The following PPP3CA variants were observed in gnomAD, a reference collection of about 807,000 sequenced individuals.
PPP3CA encodes the protein CAM-PRP catalytic subunit.
In PPP3CA, 14 loss-of-function variants were observed where a neutral mutation model predicts 66.5. That is an observed-to-expected ratio of 0.21 (90% CI 0.14 to 0.33). The LOEUF is 0.33. PPP3CA is among the 10% of genes least tolerant of loss of function. PPP3CA has a pLI of 1.00. For synonymous variants in PPP3CA, 232 were observed against 226.2 expected, an observed-to-expected ratio of 1.03 and a Z score of -0.23; for missense variants, 317 against 639.5, an observed-to-expected ratio of 0.50 and a Z score of 5.44.
At chr4:101,173,095 C>T (rs190687594) in intron 2 of PPP3CA, among the ~76,000 whole-genome samples, 1 of 152,240 alleles carries the variant, frequency 6.6e-6, no homozygotes, top group East Asian at 1.9e-4. Context: ...AAAAGTAGAG[C>T]CATTGGGCCA....
chr4:101,276,929 A>G (rs899739365), intron 1 of PPP3CA, among the ~76,000 whole-genome samples: 1 of 151,876 alleles, frequency 6.6e-6, no homozygotes, highest in Non-Finnish European at 1.5e-5. Context: ...TGTGTTACAC[A>G]TTCTACGGAT....
At chr4:101,168,642 GA>G (rs1162439323) in intron 2 of PPP3CA, among the ~76,000 whole-genome samples, 3 of 152,142 alleles carry the variant, frequency 2.0e-5, no homozygotes, top group Admixed American at 6.6e-5. Context: ...ACCAAGGGAA[GA>G]AAGTATTGAA....
rs892797753 is a variant in PPP3CA, at chr4:101,346,923, G to A, written c.-127C>T. 23 of 1,106,568 alleles carry A rather than the reference G, an allele frequency of 2.1e-5. No individual in the cohort carries two copies. The African/African-American group carries it at 3.7e-4, about 18-fold the overall frequency. The allele number at this position is 1,106,568 out of a possible 1,614,324, so 68.5% of individuals were successfully genotyped here. On this transcript the variant is annotated 5_prime_UTR_variant, in exon 1 of 14. Coordinates refer to ENST00000394854, the MANE Select transcript of PPP3CA (RefSeq NM_000944.5). ...CCGCCGCGCTGCAAACCGCTCGGCT[G>A]GAGGTCTAGGCTCTGAGCTGGCTTT...
At chr4:101,343,763 C>A (rs974349240) in intron 1 of PPP3CA, among the ~76,000 whole-genome samples, 1 of 152,160 alleles carries the variant, frequency 6.6e-6, no homozygotes, top group African/African-American at 2.4e-5. Context: ...TGAATACATG[C>A]TAGCAGATTC....
intron 8 of PPP3CA, among the ~76,000 whole-genome samples, chr4:101,068,856 T>C (rs958044107): frequency 3.9e-5 from 6 of 152,206 alleles, no homozygotes; most frequent in Admixed American, 2.0e-4. Context: ...CTTTAGATCA[T>C]AAGCTTAAGT....
In PPP3CA at chr4:101,278,139, AT is replaced by A. The variant is rs374962827; in HGVS notation, c.58+68599del. On this transcript the variant is annotated intron_variant, in intron 1 of 13. Transcript: ENST00000394854. ...GCTATTAGTAAAAAAAAAAAAAAAA[AT>A]AAAAAAATTAAAAAGTTATTTTAAC... 7.7e-4 allele frequency among the ~76,000 whole-genome samples: 100 copies of A among 129,346 alleles called. 4 individuals are homozygous for A. Among genetic ancestry groups the A allele is most frequent in the East Asian group, 2.1e-3 (10 of 4,820 alleles). 84.9% of individuals were successfully genotyped at this position (129,346 alleles called of 152,430 possible).
At chr4:101,105,168 C>CTTT (rs1378147435) in intron 3 of PPP3CA, among the ~76,000 whole-genome samples, 6 of 143,054 alleles carry the variant, frequency 4.2e-5, no homozygotes, top group African/African-American at 7.7e-5. Flanking sequence ...CTTTTTTTTC[C>CTTT]TTTTTTTTTT....
At chr4:101,043,262 T>C (rs1727609039) in intron 10 of PPP3CA, among the ~76,000 whole-genome samples, 1 of 152,024 alleles carries the variant, frequency 6.6e-6, no homozygotes, top group South Asian at 2.1e-4. Flanking sequence ...ATAAAAAACT[T>C]GTAAAAATCA....
chr4:101,087,602 G>T (rs1453990337), intron 6 of PPP3CA, among the ~76,000 whole-genome samples: 1 of 151,922 alleles, frequency 6.6e-6, no homozygotes. Flanking sequence ...TCTTTCACTC[G>T]TCATTATGCT....
At chr4:101,087,283 C>T (rs1729713627) in intron 6 of PPP3CA, among the ~76,000 whole-genome samples, 1 of 152,132 alleles carries the variant, frequency 6.6e-6, no homozygotes, top group Non-Finnish European at 1.5e-5. Flanking sequence ...AGAACTTTTC[C>T]AGAATTTAAG....
chr4:101,051,348 G>C (rs1728000733), intron 10 of PPP3CA, among the ~76,000 whole-genome samples: 1 of 152,052 alleles, frequency 6.6e-6, no homozygotes. Flanking sequence ...GAATGTTTTA[G>C]AAACTGTGGA....
intron 1 of PPP3CA, among the ~76,000 whole-genome samples, chr4:101,267,996 C>T (rs1400278038): frequency 6.6e-6 from 1 of 151,896 alleles, no homozygotes. Context: ...CATGATGAGA[C>T]CTCGTCTCTA....
intron 1 of PPP3CA, among the ~76,000 whole-genome samples, chr4:101,293,343 T>C (rs1362483018): frequency 6.6e-6 from 1 of 152,192 alleles, no homozygotes; most frequent in Admixed American, 6.5e-5. Context: ...ACTGACTGCC[T>C]AGTGGCCAGG....
rs557147384 is a variant in PPP3CA at position 101,249,076 on chromosome 4, C to T, written c.59-52960G>A. 5.7e-4 allele frequency among the ~76,000 whole-genome samples: 87 copies of T among 151,748 alleles called. 1 individual carries two copies. Among genetic ancestry groups the T allele is most frequent in the Admixed American group, 7.9e-4 (12 of 15,260 alleles). ...TCGGGAGGCTGAGGCAGGAGAATGG[C>T]GTGAACCCGGGAAGCGGAGCTTGCA... On this transcript the variant is annotated intron_variant, in intron 1 of 13. Transcript: ENST00000394854.
intron 1 of PPP3CA, among the ~76,000 whole-genome samples, chr4:101,282,888 G>C (rs774746020): frequency 6.6e-6 from 1 of 152,096 alleles, no homozygotes; most frequent in African/African-American, 2.4e-5. Context: ...ATCTAACTTT[G>C]ATAAAATAAG....
intron 1 of PPP3CA, among the ~76,000 whole-genome samples, chr4:101,258,892 C>T (rs952042722): frequency 6.6e-5 from 10 of 152,194 alleles, no homozygotes; most frequent in African/African-American, 2.4e-4. Context: ...ATCAGGATTT[C>T]CACCCAGGTC....
chr4:101,297,236 T>A (rs1248171904), intron 1 of PPP3CA, among the ~76,000 whole-genome samples: 1 of 152,200 alleles, frequency 6.6e-6, no homozygotes, highest in Non-Finnish European at 1.5e-5. Flanking sequence ...TCTTTTGGAG[T>A]TAGAATGACA....
chr4:101,214,421 T>G (rs1346733017), intron 1 of PPP3CA, among the ~76,000 whole-genome samples: 4 of 152,116 alleles, frequency 2.6e-5, no homozygotes, highest in Non-Finnish European at 4.4e-5. Context: ...TCATTATCAT[T>G]ATGAGACTTC....
intron 1 of PPP3CA, among the ~76,000 whole-genome samples, chr4:101,308,648 G>A (rs560556549): frequency 6.6e-6 from 1 of 152,054 alleles, no homozygotes; most frequent in Non-Finnish European, 1.5e-5. Context: ...GTCTTGCTAT[G>A]TTTCTAACTC....
Sources: allele counts gnomAD v4.1 joint callset (sites outside exome capture counted in the v4.1 genomes callset), GRCh38; gene constraint gnomAD v4.1.1; transcripts MANE v1.5; gene names NCBI Gene and HGNC (gene_info 2026-07-23, HGNC 2026-07-21).